The following FNIP2 variants were observed in gnomAD, a reference collection of about 807,000 sequenced individuals.
The protein encoded by FNIP2 is folliculin-interacting protein 2.
A neutral mutation model predicts 108.7 loss-of-function variants in FNIP2; 32 were observed. The ratio of observed to expected loss-of-function variants is 0.29; its 90% confidence interval spans 0.22 to 0.40. FNIP2 has a LOEUF of 0.40. FNIP2 is among the 10% of genes least tolerant of loss of function. The pLI is 1.00. For synonymous variants in FNIP2, 480 were observed against 496.7 expected, an observed-to-expected ratio of 0.97 and a Z score of 0.45; for missense variants, 1,202 against 1,381.6, an observed-to-expected ratio of 0.87 and a Z score of 2.06.
chr4:158,839,407 G>C (rs1304971141), intron 7 of FNIP2, among the ~76,000 whole-genome samples: 1 of 151,764 alleles, frequency 6.6e-6, no homozygotes, highest in African/African-American at 2.4e-5. Flanking sequence ...CCCTAAGCTG[G>C]AGTGCTCTTG....
intron 1 of FNIP2, among the ~76,000 whole-genome samples, chr4:158,772,807 AGT>A (rs2126398436): frequency 6.6e-6 from 1 of 152,314 alleles, no homozygotes; most frequent in African/African-American, 2.4e-5. Flanking sequence ...CACCTACTGG[AGT>A]TTACAATCTA....
intron 14 of FNIP2, chr4:158,872,890 A>T: frequency 1.9e-6 from 1 of 526,410 alleles, no homozygotes; most frequent in Non-Finnish European, 2.4e-6. Flanking sequence ...TGTTGCCAGA[A>T]AAAGAAGCAG....
Position 158,829,087 on chromosome 4 carries a change from G to A in FNIP2, c.243G>A (p.Glu81=). 6.2e-7 allele frequency: 1 copy of A among 1,608,382 alleles called. No individual in the cohort carries two copies. The highest frequency in any genetic ancestry group is 8.5e-7 in the Non-Finnish European group (1 of 1,177,378). ...KIEEVTAQKT[E]DVPIKISAKC... ...TGTCTCTCTTAACCTAGAAAACAGA[G>A]GATGTTCCTATTAAAATATCAGCCA... The change falls in exon 3 of 17, where the codon GAG becomes GAA. Residue 81 remains glutamate (E), a synonymous_variant. Coordinates refer to ENST00000264433, the MANE Select transcript of FNIP2 (RefSeq NM_020840.3).
rs1042850613 is a variant in FNIP2, at chr4:158,868,998, G to A, written c.2362G>A (p.Glu788Lys). 3.1e-6 allele frequency: 5 copies of A among 1,613,882 alleles called. No homozygotes were observed. Among genetic ancestry groups the A allele is most frequent in the Non-Finnish European group, 4.2e-6 (5 of 1,179,896 alleles). Reference sequence around the variant, plus strand: ...TCAGAATCGGCTTTCAGAGGGGGATGAAGGCGAGTCTGACAAGGGTTTTGC... The same window carrying A: ...TCAGAATCGGCTTTCAGAGGGGGATAAAGGCGAGTCTGACAAGGGTTTTGC... ...CPQNRLSEGD[E>K]GESDKGFAED... Residue 788 changes from glutamate (E) to lysine (K), a missense_variant, in exon 13 of 17, where the codon GAA (glutamate) becomes AAA (lysine). Physicochemically the swap from Glu to Lys is moderately conservative, Grantham distance 56 (BLOSUM62 1). Transcript: ENST00000264433. This position sits in a 1 kb window ranked among gnomAD's most constrained non-coding sequence, Gnocchi z 4.6.
chr4:158,817,962 C>T (rs766406544), intron 1 of FNIP2, among the ~76,000 whole-genome samples: 10 of 152,186 alleles, frequency 6.6e-5, no homozygotes, highest in Non-Finnish European at 8.8e-5. Context: ...TGCAGTGCTC[C>T]GCTATTTTGT....
At position 158,868,454 on chromosome 4, in the gene FNIP2, C is replaced by T. The variant is rs888969215; in HGVS notation, c.1818C>T (p.Asp606=). 1.2e-6 allele frequency: 2 copies of T among 1,613,920 alleles called. No homozygotes were observed. The highest frequency in any genetic ancestry group is 1.3e-5 in the African/African-American group (1 of 74,938). The change falls in exon 13 of 17, where the codon GAC becomes GAT. Residue 606 remains aspartate, a synonymous_variant. Transcript: ENST00000264433. The surrounding 1 kb of genome is among the most constrained non-coding windows in gnomAD (Gnocchi z 4.6). ...TGFPECPEGT[D]SRDLGLKPDK... is the part of the protein sequence containing the mutation. The stretch of plus-strand genomic sequence containing the variant: ...TTCCTGAGTGCCCAGAGGGCACTGA[C>T]AGTAGAGACCTGGGTCTTAAACCTG...
At chr4:158,795,187 G>A (rs1445414443) in intron 1 of FNIP2, among the ~76,000 whole-genome samples, 1 of 152,198 alleles carries the variant, frequency 6.6e-6, no homozygotes, top group Non-Finnish European at 1.5e-5. Flanking sequence ...GTCACATTGA[G>A]CCGTGGTATA....
chr4:158,840,907 A>G (rs903226105), intron 7 of FNIP2, among the ~76,000 whole-genome samples: 1 of 152,244 alleles, frequency 6.6e-6, no homozygotes, highest in African/African-American at 2.4e-5. Context: ...AAAATAAAGA[A>G]AGTCAGTATA....
rs773070530 is a variant in FNIP2 at position 158,908,037 on chromosome 4, G to T, written c.*3493G>T. 1.1e-4 allele frequency: 16 copies of T among 152,032 alleles called. No homozygotes were observed. Among genetic ancestry groups the T allele is most frequent in the African/African-American group, 3.4e-4 (14 of 41,378 alleles). The allele number at this position is 152,032 out of a possible 1,614,324, so 9.4% of individuals were successfully genotyped here. ...TGGCATTTGGTGCAATAAAACTTTTGAATTTATCTTGAACATTTTCCTGGT... is the reference window on the plus strand; with the variant it reads ...TGGCATTTGGTGCAATAAAACTTTTTAATTTATCTTGAACATTTTCCTGGT... On this transcript the variant is annotated 3_prime_UTR_variant, in exon 17 of 17. Coordinates refer to ENST00000264433, the MANE Select transcript of FNIP2 (RefSeq NM_020840.3).
intron 7 of FNIP2, among the ~76,000 whole-genome samples, chr4:158,850,068 T>G (rs1441347841): frequency 6.6e-6 from 1 of 152,342 alleles, no homozygotes; most frequent in East Asian, 1.9e-4. Context: ...TATTAGTTGA[T>G]AGCAAAGTAA....
At position 158,823,578 on chromosome 4, in the gene FNIP2, G is replaced by A. The variant is rs570963082; in HGVS notation, c.108-2338G>A. Among the ~76,000 whole-genome samples, 11 of 152,318 alleles carry A rather than the reference G, an allele frequency of 7.2e-5. No individual in the cohort carries two copies. The East Asian group carries it at 2.1e-3, about 29-fold the overall frequency. On this transcript the variant is annotated intron_variant, in intron 1 of 16. Transcript: ENST00000264433. ...TGGTCTGGGTCATAGTCATCAGACT[G>A]TGTTGATTGTAAGTGACAGTGAACT... is the stretch of plus-strand genomic sequence containing the variant.
Position 158,891,484 on chromosome 4 carries a change from T to C in FNIP2, c.2988T>C (p.Cys996=). 6.2e-7 allele frequency: 1 copy of C among 1,607,224 alleles called. No homozygotes were observed. The part of the protein sequence containing the change: ...VLDEPIAEAV[C]IIADTDKWSV... ...ATGAGCCAATAGCTGAAGCTGTCTGTATTATCGCAGACACGGATAAATGGA... is the reference window on the plus strand; with the variant it reads ...ATGAGCCAATAGCTGAAGCTGTCTGCATTATCGCAGACACGGATAAATGGA... The change falls in exon 15 of 17, where the codon TGT becomes TGC. Residue 996 remains cysteine, a synonymous_variant. Coordinates refer to ENST00000264433, the MANE Select transcript of FNIP2 (RefSeq NM_020840.3).
In FNIP2 at chr4:158,769,129, C is replaced by CCCGCCACCGCGGCCG; in HGVS notation, c.-78_-64dup. On this transcript the variant is annotated 5_prime_UTR_variant, in exon 1 of 17. Coordinates refer to ENST00000264433, the MANE Select transcript of FNIP2 (RefSeq NM_020840.3). The stretch of plus-strand genomic sequence containing the variant: ...TGGGCGGCCGCGCCGCCGCGATGGC[C>CCCGCCACCGCGGCCG]CCGCCACCGCGGCCGCCGCCCCCGG... 1.9e-6 allele frequency: 1 copy of CCCGCCACCGCGGCCG among 517,524 alleles called. No homozygotes were observed. Among genetic ancestry groups the CCCGCCACCGCGGCCG allele is most frequent in the South Asian group, 7.9e-5 (1 of 12,590 alleles). 32.1% of individuals were successfully genotyped at this position (517,524 alleles called of 1,614,324 possible).
At chr4:158,900,025 C>G (rs1252132346) in intron 16 of FNIP2, among the ~76,000 whole-genome samples, 2 of 152,152 alleles carry the variant, frequency 1.3e-5, no homozygotes, top group African/African-American at 4.8e-5. Flanking sequence ...TAAATGTGTC[C>G]TAAAGATTCG....
intron 1 of FNIP2, among the ~76,000 whole-genome samples, chr4:158,797,845 T>C (rs1702695367): frequency 6.6e-6 from 1 of 152,094 alleles, no homozygotes; most frequent in Non-Finnish European, 1.5e-5. Flanking sequence ...AGAGAAAACT[T>C]CTTGCCCAGC....
At position 158,831,896 on chromosome 4, in the gene FNIP2, G is replaced by A; in HGVS notation, c.417G>A (p.Gly139=). 2 of 1,612,324 alleles carry A rather than the reference G, an allele frequency of 1.2e-6. No homozygotes were observed. Among genetic ancestry groups the A allele is most frequent in the East Asian group, 2.2e-5 (1 of 44,858 alleles). The change falls in exon 4 of 17, where the codon GGG becomes GGA. Residue 139 remains glycine (G), a synonymous_variant. Transcript: ENST00000264433. ...CAGCTTCCGATGTCAACATGTTAGGGGAAATGATGTTTGGCTCAGTTGCCA... is the reference window on the plus strand; with the variant it reads ...CAGCTTCCGATGTCAACATGTTAGGAGAAATGATGTTTGGCTCAGTTGCCA... ...TRPASDVNML[G]EMMFGSVAMS... is the part of the protein sequence containing the mutation.
At chr4:158,858,911 A>G (rs762915044) in intron 8 of FNIP2, 146 bp from the exon 9 acceptor site, 6 of 660,440 alleles carry the variant, frequency 9.1e-6, no homozygotes, top group Non-Finnish European at 1.6e-5. Context: ...TCTTCATGCC[A>G]GGGAATTATA....
In FNIP2 at chr4:158,868,535, C is replaced by T; in HGVS notation, c.1899C>T (p.Cys633=). The part of the protein sequence containing the change: ...EQGSEACSAG[C]LGPASDASWK... Reference sequence around the variant, plus strand: ...GTTCTGAGGCTTGCAGCGCAGGGTGCCTGGGGCCAGCATCAGACGCTTCCT... The same window carrying T: ...GTTCTGAGGCTTGCAGCGCAGGGTGTCTGGGGCCAGCATCAGACGCTTCCT... Residue 633 remains cysteine (C), a synonymous_variant, in exon 13 of 17, where the codon TGC becomes TGT. Transcript: ENST00000264433. The surrounding 1 kb of genome is among the most constrained non-coding windows in gnomAD (Gnocchi z 4.6). The T allele has an allele frequency of 6.2e-7, 1 of 1,613,778 alleles. No individual in the cohort carries two copies. Among genetic ancestry groups the T allele is most frequent in the Non-Finnish European group, 8.5e-7 (1 of 1,179,790 alleles).
intron 1 of FNIP2, among the ~76,000 whole-genome samples, chr4:158,776,694 C>T (rs1408092399): frequency 6.6e-6 from 1 of 152,214 alleles, no homozygotes; most frequent in Admixed American, 6.5e-5. Context: ...ATAGTTACAG[C>T]ATGGCTGTGA....
Sources: gnomAD v4.1 joint callset for allele counts (sites outside exome capture counted in the v4.1 genomes callset) on GRCh38, gnomAD v4.1.1 for gene constraint, Gnocchi (gnomAD v3.1) non-coding constraint, MANE v1.5 for transcripts, NCBI Gene and HGNC (gene_info 2026-07-23, HGNC 2026-07-21) for gene names.